Variants in ATP6V1G3 observed in about 807,000 individuals in gnomAD.
The protein encoded by ATP6V1G3 is ATPase H+ transporting V1 subunit G3.
Under a neutral mutation model 9.3 loss-of-function variants are expected in ATP6V1G3, and 9 were observed. The observed-to-expected ratio is 0.97, with a 90% CI of 0.59 to 1.69. The LOEUF (loss-of-function observed/expected upper bound fraction) is 1.69, where lower values mean the gene tolerates loss of function less well. Among genes scored for constraint, ATP6V1G3 ranks in the 40% most tolerant of loss-of-function variants. ATP6V1G3 has a pLI of 0.00. For synonymous variants in ATP6V1G3, 43 were observed against 43.8 expected, an observed-to-expected ratio of 0.98 and a Z score of 0.07; for missense variants, 133 against 139.0, an observed-to-expected ratio of 0.96 and a Z score of 0.22.
chr1:198,531,464 T>C (rs1659896886), intron 1 of ATP6V1G3, among the ~76,000 whole-genome samples: 1 of 152,158 alleles, frequency 6.6e-6, no homozygotes, highest in African/African-American at 2.4e-5. Context: ...AGAAAAGACA[T>C]TTGGACTGAT....
chr1:198,535,823 G>A (rs907837043), intron 1 of ATP6V1G3, among the ~76,000 whole-genome samples: 1 of 152,134 alleles, frequency 6.6e-6, no homozygotes, highest in Admixed American at 6.5e-5. Context: ...ATAAGAAGCA[G>A]AAGTTAGACT....
At chr1:198,531,991 G>A (rs74430836) in intron 1 of ATP6V1G3, among the ~76,000 whole-genome samples, 2,061 of 152,126 alleles carry the variant, frequency 0.014, 52 homozygotes, top group African/African-American at 0.047. Flanking sequence ...AAAGGCAAGG[G>A]GTAAAGCGTG....
intron 1 of ATP6V1G3, among the ~76,000 whole-genome samples, chr1:198,537,564 T>C (rs1413610837): frequency 6.6e-6 from 1 of 152,192 alleles, no homozygotes; most frequent in African/African-American, 2.4e-5. Context: ...CTATTGTGAC[T>C]TCTTGGTCCT....
intron 1 of ATP6V1G3, among the ~76,000 whole-genome samples, chr1:198,536,428 G>C (rs1460002143): frequency 6.6e-6 from 1 of 152,144 alleles, no homozygotes; most frequent in Non-Finnish European, 1.5e-5. Flanking sequence ...GCAGATCTCT[G>C]ATGTTTAGGT....
chr1:198,523,621 A>C, intron 2 of ATP6V1G3, 57 bp from the exon 3 acceptor site: 1 of 1,531,128 alleles, frequency 6.5e-7, no homozygotes, highest in Non-Finnish European at 8.9e-7. Context: ...TACAAGTTAA[A>C]TTTGTCCTAG....
At chr1:198,524,338 T>A (rs1459903439) in intron 2 of ATP6V1G3, among the ~76,000 whole-genome samples, 1 of 152,086 alleles carries the variant, frequency 6.6e-6, no homozygotes, top group Non-Finnish European at 1.5e-5. Flanking sequence ...TTGGCCAGGC[T>A]GGTCTCGAAC....
chr1:198,528,980 A>G, intron 2 of ATP6V1G3, 101 bp downstream of exon 2: 1 of 454,966 alleles, frequency 2.2e-6, no homozygotes, highest in East Asian at 5.0e-5. Context: ...TATCTGCTCA[A>G]TTGCAGCATA....
chr1:198,528,884 A>G (rs1659770549), intron 2 of ATP6V1G3, among the ~76,000 whole-genome samples, 197 bp downstream of exon 2: 1 of 151,552 alleles, frequency 6.6e-6, no homozygotes, highest in Non-Finnish European at 1.5e-5. Context: ...TTTATGTGAG[A>G]AATTAAAAAT....
At chr1:198,532,725 G>A (rs1659953719) in intron 1 of ATP6V1G3, among the ~76,000 whole-genome samples, 1 of 152,096 alleles carries the variant, frequency 6.6e-6, no homozygotes, top group Admixed American at 6.6e-5. Flanking sequence ...AAGGGGGAGA[G>A]TCTTCCAGGC....
At chr1:198,535,929 C>T (rs1475679758) in intron 1 of ATP6V1G3, among the ~76,000 whole-genome samples, 1 of 152,086 alleles carries the variant, frequency 6.6e-6, no homozygotes, top group Non-Finnish European at 1.5e-5. Flanking sequence ...TTACAATTGT[C>T]TGTAGCTTTT....
chr1:198,533,792 A>G (rs762653338), intron 1 of ATP6V1G3, among the ~76,000 whole-genome samples: 10 of 152,194 alleles, frequency 6.6e-5, no homozygotes, highest in Non-Finnish European at 1.3e-4. Context: ...TTAAGGATTG[A>G]GAAGACAACA....
chr1:198,534,066 C>T (rs1249233854), intron 1 of ATP6V1G3, among the ~76,000 whole-genome samples: 1 of 152,076 alleles, frequency 6.6e-6, no homozygotes, highest in Non-Finnish European at 1.5e-5. Context: ...AAAATAAGGG[C>T]TCAAGGTGGT....
At chr1:198,540,728 A>G (rs1442651368), upstream of ATP6V1G3, 1 of 1,384,268 alleles carries the variant, frequency 7.2e-7, no homozygotes, top group East Asian at 2.3e-5. Flanking sequence ...AAATTAACAT[A>G]TAACTCAGAT....
At chr1:198,528,989 TA>T (rs1284938965) in intron 2 of ATP6V1G3, 91 bp downstream of exon 2, 9 of 499,378 alleles carry the variant, frequency 1.8e-5, no homozygotes, top group Non-Finnish European at 2.5e-5. Flanking sequence ...AATTGCAGCA[TA>T]TTTTTTTCTG....
intron 1 of ATP6V1G3, among the ~76,000 whole-genome samples, chr1:198,532,053 C>G (rs1659921631): frequency 6.6e-6 from 1 of 151,866 alleles, no homozygotes; most frequent in Admixed American, 6.6e-5. Context: ...TGTAAGCTTT[C>G]CTGAGGATAT....
intron 2 of ATP6V1G3, among the ~76,000 whole-genome samples, chr1:198,528,497 C>G (rs1659754280): frequency 6.6e-6 from 1 of 152,016 alleles, no homozygotes; most frequent in Non-Finnish European, 1.5e-5. Context: ...AGGTTTCATG[C>G]ATTTATAATT....
intron 2 of ATP6V1G3, among the ~76,000 whole-genome samples, chr1:198,526,974 G>A (rs1659679606): frequency 6.6e-6 from 1 of 152,116 alleles, no homozygotes; most frequent in African/African-American, 2.4e-5. Flanking sequence ...GATTTTTGAT[G>A]AAGCAATATT....
intron 2 of ATP6V1G3, among the ~76,000 whole-genome samples, chr1:198,528,276 C>T (rs891104938): frequency 6.6e-6 from 1 of 152,044 alleles, no homozygotes; most frequent in Non-Finnish European, 1.5e-5. Flanking sequence ...TACATGAACT[C>T]CTTATCCATT....
chr1:198,531,276 A>C (rs1380694092), intron 1 of ATP6V1G3, among the ~76,000 whole-genome samples: 1 of 151,938 alleles, frequency 6.6e-6, no homozygotes, highest in African/African-American at 2.4e-5. Flanking sequence ...AATCCAGTGG[A>C]AAAAACTGGA....
Sources: allele counts gnomAD v4.1 joint callset (sites outside exome capture counted in the v4.1 genomes callset), GRCh38; gene constraint gnomAD v4.1.1; transcripts MANE v1.5; gene names NCBI Gene and HGNC (gene_info 2026-07-23, HGNC 2026-07-21).